LAMB2: variants seen among roughly 807,000 people sequenced by gnomAD.
LAMB2 encodes the protein laminin subunit beta 2.
In LAMB2, 119 loss-of-function variants were observed where a neutral mutation model predicts 202.7. The ratio of observed to expected loss-of-function variants is 0.59; its 90% CI spans 0.51 to 0.68. The LOEUF is 0.68. LAMB2 is among the 30% of genes least tolerant of loss of function. The probability of loss-of-function intolerance (pLI) is 0.00; values close to 1 mark genes in which losing one functional copy is unlikely to be tolerated. For missense variants in LAMB2, 2,124 were observed against 2,410.6 expected, an observed-to-expected ratio of 0.88 and a Z score of 2.49; for synonymous variants, 818 against 902.2, an observed-to-expected ratio of 0.91 and a Z score of 1.67.
rs2045498220 is a variant in LAMB2 at position 49,132,963 on chromosome 3, C to T, written c.-96G>A. ...TTCCGTGTCAACTCTGCCTGTGGGT[C>T]TTTGGCCTGTTTCCCTCCAGGCCCT... On this transcript the variant is annotated 5_prime_UTR_variant, in exon 1 of 32. Transcript: ENST00000305544. The surrounding 1 kb of genome is among the most constrained non-coding windows in gnomAD (Gnocchi z 4.6). 8.9e-7 allele frequency: 1 copy of T among 1,121,084 alleles called. No homozygotes were observed. The highest frequency in any genetic ancestry group is 1.5e-5 in the African/African-American group (1 of 65,150). The allele number at this position is 1,121,084 out of a possible 1,614,324, so 69.4% of individuals were successfully genotyped here.
chr3:49,125,625 G>T, intron 18 of LAMB2, 122 bp downstream of exon 18: 1 of 1,444,308 alleles, frequency 6.9e-7, no homozygotes, highest in African/African-American at 1.4e-5. Context: ...AACTGACCCA[G>T]GTTGAGAGTA....
Position 49,126,039 on chromosome 3 carries a change from T to G in LAMB2, c.2272A>C (p.Lys758Gln). The G allele has an allele frequency of 6.2e-7, 1 of 1,614,142 alleles. No individual in the cohort carries two copies. ...GCGCAGGCCTCAGAGGGAGAAGTCT[T>G]GCTGGGCACCAGACCCTCCTCATGG... ...QCHEEGLVPS[K>Q]TSPSEACAPL... The change falls in exon 17 of 32, where the codon AAG (lysine) becomes CAG (glutamine). Residue 758 changes from lysine to glutamine, a missense_variant. Lys to Gln is a moderately conservative substitution (Grantham distance 53, BLOSUM62 1). Around this residue, in one of 3 missense-constraint regions of LAMB2, gnomAD observed 1,702 missense variants for 1,896.3 expected, o/e 0.90. Transcript: ENST00000305544.
Position 49,124,116 on chromosome 3 carries a change from G to A in LAMB2, c.3425-16C>T. 1 of 1,614,146 alleles carries A rather than the reference G, an allele frequency of 6.2e-7. No homozygotes were observed. The highest frequency in any genetic ancestry group is 8.5e-7 in the Non-Finnish European group (1 of 1,180,040). ...CAATCACAGGCTGCAAGAAAGAGCA[G>A]AGCACAGAGTTAGGGTCACTGTGGG... is the stretch of plus-strand genomic sequence containing the variant. On this transcript the variant is annotated splice_polypyrimidine_tract_variant and intron_variant, in intron 23 of 31. Transcript: ENST00000305544.
intron 16 of LAMB2, 93 bp downstream of exon 16, chr3:49,126,272 C>T: frequency 3.7e-6 from 6 of 1,604,332 alleles, no homozygotes; most frequent in Non-Finnish European, 4.3e-6. Context: ...CACCATGGGC[C>T]TGCCTCTTCT....
In LAMB2 at chr3:49,131,858, A is replaced by G. The variant is rs1452642530; in HGVS notation, c.460-135T>C. 1 of 1,025,296 alleles carries G rather than the reference A, an allele frequency of 9.8e-7. No individual in the cohort carries two copies. Among genetic ancestry groups the G allele is most frequent in the Non-Finnish European group, 1.5e-6 (1 of 683,870 alleles). The allele number at this position is 1,025,296 out of a possible 1,614,324, so 63.5% of individuals were successfully genotyped here. ...GGGGGTGACTGGTGGAAGCCAGATA[A>G]TGACCAGCAAAGGTAGCCACCTCTA... is the stretch of plus-strand genomic sequence containing the variant. On this transcript the variant is annotated intron_variant, in intron 4 of 31. Transcript: ENST00000305544. This position sits in a 1 kb window ranked among gnomAD's most constrained non-coding sequence, Gnocchi z 5.0.
chr3:49,125,541 G>C (rs1575533502), intron 18 of LAMB2, 57 bp from the exon 19 acceptor site: 1 of 1,451,634 alleles, frequency 6.9e-7, no homozygotes, highest in Non-Finnish European at 9.5e-7. Flanking sequence ...GGGGAGTGTG[G>C]GTGGGGGAGG....
At position 49,128,781 on chromosome 3, in the gene LAMB2, T is replaced by C. The variant is rs761585574; in HGVS notation, c.1770A>G (p.Glu590=). 27 of 1,613,846 alleles carry C rather than the reference T, an allele frequency of 1.7e-5. No homozygotes were observed. Residue 590 remains glutamate, a synonymous_variant, in exon 14 of 32, where the codon GAA becomes GAG. Transcript: ENST00000305544. ...DVVERLVTPG[E]TPSWTGSGFV... ...AGCCTGAGCCAGTCCAGGATGGAGT[T>C]TCCCCGGGGGTCACCAGGCGCTCCA...
At position 49,122,940 on chromosome 3, in the gene LAMB2, G is replaced by C; in HGVS notation, c.4337C>G (p.Ala1446Gly). ...RCGGLSCNGA[A>G]ATADLALGRA... ...GCCCAGTGCTAGGTCTGCTGTAGCC[G>C]CTGCCCCATTGCAGCTGAGGCCCCC... is the stretch of plus-strand genomic sequence containing the variant. The change falls in exon 27 of 32, where the codon GCG becomes GGG. Residue 1446 changes from alanine to glycine, a missense_variant. Physicochemically the swap from Ala to Gly is moderately conservative, Grantham distance 60. This residue lies in a region of LAMB2 where 1,702 missense variants were observed against 1,896.3 expected (regional missense o/e 0.90). Coordinates refer to ENST00000305544, the MANE Select transcript of LAMB2 (RefSeq NM_002292.4). 1 of 1,608,716 alleles carries C rather than the reference G, an allele frequency of 6.2e-7. No homozygotes were observed. Among genetic ancestry groups the C allele is most frequent in the South Asian group, 1.1e-5 (1 of 91,066 alleles).
Position 49,123,302 on chromosome 3 carries a change from G to A in LAMB2, c.4054C>T (p.Leu1352=). The part of the protein sequence containing the change: ...EAERRANTSA[L]AVPSPVSNSA... ...TTGCTCACAGGGCTAGGTACTGCCA[G>A]GGCTGAGGTATTGGCACGACGTTCT... The change falls in exon 26 of 32, where the codon CTG becomes TTG. Residue 1352 remains leucine (L), a synonymous_variant. Transcript: ENST00000305544. 1 of 1,614,134 alleles carries A rather than the reference G, an allele frequency of 6.2e-7. No individual in the cohort carries two copies. The highest frequency in any genetic ancestry group is 8.5e-7 in the Non-Finnish European group (1 of 1,180,032).
Position 49,128,506 on chromosome 3 carries a change from A to C in LAMB2, c.1970T>G (p.Leu657Trp). Reference sequence around the variant, plus strand: ...TTGGATGCGATCATCCTTGGGCACCAAATGCCCACACAGGCTGTGGGCAGG... The same window carrying C: ...TTGGATGCGATCATCCTTGGGCACCCAATGCCCACACAGGCTGTGGGCAGG... ...PVPAHSLCGH[L>W]VPKDDRIQGT... Residue 657 changes from leucine to tryptophan, a missense_variant, in exon 15 of 32, where the codon TTG becomes TGG. This residue lies in a region of LAMB2 where 1,702 missense variants were observed against 1,896.3 expected (regional missense o/e 0.90). Transcript: ENST00000305544. The C allele has an allele frequency of 6.2e-7, 1 of 1,614,186 alleles. No homozygotes were observed. Among genetic ancestry groups the C allele is most frequent in the Non-Finnish European group, 8.5e-7 (1 of 1,180,030 alleles).
At position 49,129,959 on chromosome 3, in the gene LAMB2, G is replaced by T; in HGVS notation, c.1285C>A (p.Pro429Thr). ...TGGCCGGAGACCAGTCCCAGTGCAG[G>T]GTCATCATGGGAATCACAGCGACCA... ...DGGRCDSHDD[P>T]ALGLVSGQCR... The change falls in exon 10 of 32, where the codon CCT (proline) becomes ACT (threonine). Residue 429 changes from proline (P) to threonine (T), a missense_variant. Around this residue, in one of 3 missense-constraint regions of LAMB2, gnomAD observed 1,702 missense variants for 1,896.3 expected, o/e 0.90. Coordinates refer to ENST00000305544, the MANE Select transcript of LAMB2 (RefSeq NM_002292.4). This position sits in a 1 kb window ranked among gnomAD's most constrained non-coding sequence, Gnocchi z 6.1. 1 of 1,613,976 alleles carries T rather than the reference G, an allele frequency of 6.2e-7. No individual in the cohort carries two copies. Among genetic ancestry groups the T allele is most frequent in the Non-Finnish European group, 8.5e-7 (1 of 1,179,950 alleles).
rs746644824 is a variant in LAMB2 at position 49,122,866 on chromosome 3, C to T, written c.4411G>A (p.Gly1471Ser). 21 of 1,611,154 alleles carry T rather than the reference C, an allele frequency of 1.3e-5. No homozygotes were observed. The highest frequency in any genetic ancestry group is 1.7e-5 in the Non-Finnish European group (20 of 1,179,990). Reference protein sequence around the residue: ...AELQRALAEGGSILSRVAETR... With the variant: ...AELQRALAEGSSILSRVAETR... ...TCAGCCACTCTGCTGAGGATGCTAC[C>T]ACCTTCTGCCAGTGCCCGCTGCAGC... Residue 1471 changes from glycine (G) to serine (S), a missense_variant, in exon 27 of 32, where the codon GGT (glycine) becomes AGT (serine). Around this residue, in one of 3 missense-constraint regions of LAMB2, gnomAD observed 1,702 missense variants for 1,896.3 expected, o/e 0.90. Coordinates refer to ENST00000305544, the MANE Select transcript of LAMB2 (RefSeq NM_002292.4).
In LAMB2 at chr3:49,124,056, G is replaced by C. The variant is rs747064604; in HGVS notation, c.3469C>G (p.Arg1157Gly). The C allele has an allele frequency of 6.2e-6, 10 of 1,613,834 alleles. No individual in the cohort carries two copies. In the South Asian group the frequency reaches 1.1e-4, roughly 18 times the overall value. Residue 1157 changes from arginine (R) to glycine (G), a missense_variant, in exon 24 of 32, where the codon CGC (arginine) becomes GGC (glycine). By Grantham distance (125) the Arg-to-Gly change is moderately radical (BLOSUM62 -2). Transcript: ENST00000305544. Reference protein sequence around the residue: ...SRGIDTPQCHRFTGHCSCRPG... With the variant: ...SRGIDTPQCHGFTGHCSCRPG... The stretch of plus-strand genomic sequence containing the variant: ...CGGCAGCTGCAGTGACCTGTGAAGC[G>C]GTGACACTGAGGTGTATCTATTCCA...
rs902115828 is a variant in LAMB2, at chr3:49,129,600, G to A, written c.1518+4C>T. On this transcript the variant is annotated splice_donor_region_variant and intron_variant, in intron 11 of 31. Transcript: ENST00000305544. This position sits in a 1 kb window ranked among gnomAD's most constrained non-coding sequence, Gnocchi z 6.1. ...CCTAGAACTCCAGCCCCTTCCAGTC[G>A]CACCAGGCAGCGGTCACATCCACGT... 12 of 1,607,798 alleles carry A rather than the reference G, an allele frequency of 7.5e-6. No homozygotes were observed. The highest frequency in any genetic ancestry group is 8.5e-6 in the Non-Finnish European group (10 of 1,174,482).
In LAMB2 at chr3:49,130,677, T is replaced by C; in HGVS notation, c.1036+63A>G. On this transcript the variant is annotated intron_variant, in intron 8 of 31. Coordinates refer to ENST00000305544, the MANE Select transcript of LAMB2 (RefSeq NM_002292.4). The surrounding 1 kb of genome is among the most constrained non-coding windows in gnomAD (Gnocchi z 5.0). ...AGGGGCTTGACCAACTAGCTCTAGG[T>C]TCTACCCAGGGCACAGCCAGGCTGC... The C allele has an allele frequency of 6.2e-7, 1 of 1,609,138 alleles. No individual in the cohort carries two copies. The highest frequency in any genetic ancestry group is 8.5e-7 in the Non-Finnish European group (1 of 1,179,368).
At chr3:49,126,523 GT>G in intron 15 of LAMB2, 26 bp from the exon 16 acceptor site, 1 of 1,613,782 alleles carries the variant, frequency 6.2e-7, no homozygotes, top group East Asian at 2.2e-5. Flanking sequence ...GACAGGTGCA[GT>G]GGGTCATCTA....
At position 49,126,457 on chromosome 3, in the gene LAMB2, T is replaced by C. The variant is rs1163731081; in HGVS notation, c.2059A>G (p.Ile687Val). The C allele has an allele frequency of 6.2e-7, 1 of 1,614,106 alleles. No homozygotes were observed. Among genetic ancestry groups the C allele is most frequent in the Admixed American group, 1.7e-5 (1 of 60,020 alleles). ...AGCTTCAGATGCAGCTTGTAGGAGA[T>C]ACCAGGCTCAAGGCAGACAGGATTA... ...FPNPVCLEPG[I>V]SYKLHLKLVR... Residue 687 changes from isoleucine to valine, a missense_variant, in exon 16 of 32, where the codon ATC becomes GTC. Physicochemically the swap from Ile to Val is conservative, Grantham distance 29 (BLOSUM62 3). Coordinates refer to ENST00000305544, the MANE Select transcript of LAMB2 (RefSeq NM_002292.4).
intron 26 of LAMB2, 33 bp from the exon 27 acceptor site, chr3:49,123,085 A>T: frequency 6.2e-7 from 1 of 1,606,782 alleles, no homozygotes; most frequent in Non-Finnish European, 8.5e-7. Flanking sequence ...GGGCCCTGTG[A>T]GAGGAACATC....
Position 49,129,925 on chromosome 3 carries a change from C to T in LAMB2, c.1319G>A (p.Cys440Tyr), listed in dbSNP as rs766700825. Residue 440 changes from cysteine (C) to tyrosine (Y), a missense_variant, in exon 10 of 32, where the codon TGC (cysteine) becomes TAC (tyrosine). Cys to Tyr is a radical substitution (Grantham distance 194). Transcript: ENST00000305544. The surrounding 1 kb of genome is among the most constrained non-coding windows in gnomAD (Gnocchi z 6.1). ...ALGLVSGQCR[C>Y]KEHVVGTRCQ... Reference sequence around the variant, plus strand: ...GCGAGTGCCCACCACATGTTCTTTGCAGCGACACTGGCCGGAGACCAGTCC... The same window carrying T: ...GCGAGTGCCCACCACATGTTCTTTGTAGCGACACTGGCCGGAGACCAGTCC... The T allele has an allele frequency of 1.2e-6, 2 of 1,614,084 alleles. No individual in the cohort carries two copies. Among genetic ancestry groups the T allele is most frequent in the Non-Finnish European group, 1.7e-6 (2 of 1,180,034 alleles).
Sources: gnomAD v4.1 joint callset for allele counts on GRCh38, gnomAD v4.1.1 for gene constraint, gnomAD v4.1.1 regional missense constraint, Gnocchi (gnomAD v3.1) non-coding constraint, MANE v1.5 for transcripts, NCBI Gene and HGNC (gene_info 2026-07-23, HGNC 2026-07-21) for gene names.